The following COL4A1 variants were observed in gnomAD, a reference collection of about 807,000 sequenced individuals.
COL4A1 encodes collagen alpha-1(IV) chain.
COL4A1 carries 40 observed loss-of-function variants against 216.6 expected under a neutral mutation model. The ratio of observed to expected loss-of-function variants is 0.18; its 90% CI spans 0.14 to 0.24. The LOEUF is 0.24. COL4A1 is among the 10% of genes least tolerant of loss of function. The pLI, the probability that COL4A1 is intolerant of heterozygous loss-of-function variation, is 1.00. For missense variants in COL4A1, 1,628 were observed against 2,196.8 expected (o/e 0.74, Z 5.18); for synonymous variants, 839 against 810.7 (o/e 1.03, Z -0.59).
chr13:110,219,914 G>A (rs1203583729), intron 2 of COL4A1, among the ~76,000 whole-genome samples: 1 of 128,494 alleles, frequency 7.8e-6, no homozygotes, highest in Non-Finnish European at 1.6e-5. Context: ...ATATATATGT[G>A]TGTATATATA....
At chr13:110,255,294 G>A (rs1882458325) in intron 1 of COL4A1, among the ~76,000 whole-genome samples, 1 of 151,942 alleles carries the variant, frequency 6.6e-6, no homozygotes. Flanking sequence ...GGATTTTGGT[G>A]GCATTCATCT....
At chr13:110,171,396 T>C (rs1877637176) in intron 41 of COL4A1, among the ~76,000 whole-genome samples, 1 of 152,092 alleles carries the variant, frequency 6.6e-6, no homozygotes, top group South Asian at 2.1e-4. Flanking sequence ...GTGGGGATGT[T>C]TTCATGGTGT....
intron 2 of COL4A1, among the ~76,000 whole-genome samples, chr13:110,228,610 G>A (rs1412692221): frequency 2.0e-5 from 3 of 152,228 alleles, no homozygotes; most frequent in Admixed American, 6.5e-5. Flanking sequence ...AGGCAAATGA[G>A]TGAGACAGGA....
intron 2 of COL4A1, among the ~76,000 whole-genome samples, chr13:110,237,207 G>A (rs190806959): frequency 6.6e-6 from 1 of 152,314 alleles, no homozygotes; most frequent in Non-Finnish European, 1.5e-5. Flanking sequence ...TCAAGACTTC[G>A]GATATTCTGA....
intron 22 of COL4A1, among the ~76,000 whole-genome samples, chr13:110,194,190 CAT>C (rs1878772923): frequency 6.6e-6 from 1 of 152,192 alleles, no homozygotes; most frequent in Non-Finnish European, 1.5e-5. Context: ...AGATCGCTTC[CAT>C]TTCAGGTCCT....
Position 110,212,630 on chromosome 13 carries a change from G to A in COL4A1, c.280-12C>T, listed in dbSNP as rs200121908. On this transcript the variant is annotated splice_polypyrimidine_tract_variant and intron_variant, in intron 4 of 51. Transcript: ENST00000375820. ...GCTCCCGGAGGTCCCTGTGAGGGCG[G>A]AAGTAAAAGCGTGTCAGTGAAGAGC... 1.5e-4 allele frequency: 243 copies of A among 1,613,568 alleles called. No individual in the cohort carries two copies. The highest frequency in any genetic ancestry group is 1.9e-4 in the Non-Finnish European group (229 of 1,180,040).
intron 1 of COL4A1, among the ~76,000 whole-genome samples, chr13:110,287,144 C>A (rs1008715084): frequency 1.3e-5 from 2 of 152,168 alleles, no homozygotes; most frequent in African/African-American, 4.8e-5. Flanking sequence ...GCTGCAAGGC[C>A]AAGCCACAGG....
chr13:110,297,782 AT>A (rs1350128199), intron 1 of COL4A1, among the ~76,000 whole-genome samples: 1 of 152,174 alleles, frequency 6.6e-6, no homozygotes, highest in Non-Finnish European at 1.5e-5. Flanking sequence ...CCACCTGCAT[AT>A]TTCCTAATTC....
In COL4A1 at chr13:110,193,698, G is replaced by T. The variant is rs190128213; in HGVS notation, c.1382-785C>A. On this transcript the variant is annotated intron_variant, in intron 22 of 51. Coordinates refer to ENST00000375820, the MANE Select transcript of COL4A1 (RefSeq NM_001845.6). The stretch of plus-strand genomic sequence containing the variant: ...CACGGGCACTGCTATTGCCCACTCT[G>T]CCCTGGGATGCCCCTCAGTCAGAAG... Among the ~76,000 whole-genome samples the T allele has an allele frequency of 5.6e-3, 853 of 152,360 alleles. 8 individuals are homozygous for T. The highest frequency in any genetic ancestry group is 0.019 in the African/African-American group (787 of 41,586).
At chr13:110,208,759 A>G (rs1167327861) in intron 12 of COL4A1, 90 bp downstream of exon 12, 1 of 1,194,934 alleles carries the variant, frequency 8.4e-7, no homozygotes, top group African/African-American at 1.5e-5. Context: ...CTATACTTGT[A>G]AGAGTCCAGA....
chr13:110,277,378 G>C (rs578937), intron 1 of COL4A1, among the ~76,000 whole-genome samples: 135,470 of 152,234 alleles, frequency 0.89, 61,684 homozygotes, highest in Non-Finnish European at 1. Context: ...CCTGAAACCT[G>C]TGATAGGATG....
chr13:110,201,709 T>A lies in COL4A1; in HGVS notation c.1000-187A>T, dbSNP rs775327039. 4.4e-5 allele frequency: 33 copies of A among 745,294 alleles called. No homozygotes were observed. The Admixed American group carries it at 4.5e-4, about 10-fold the overall frequency. 46.2% of individuals were successfully genotyped at this position (745,294 alleles called of 1,614,324 possible). On this transcript the variant is annotated intron_variant, in intron 18 of 51. Coordinates refer to ENST00000375820, the MANE Select transcript of COL4A1 (RefSeq NM_001845.6). The stretch of plus-strand genomic sequence containing the variant: ...CTCTAAAACATATGGGACAGGCCGG[T>A]GCGGTGGCTCACGCCTGTAATCCCA...
At chr13:110,235,172 C>A (rs1881249876) in intron 2 of COL4A1, among the ~76,000 whole-genome samples, 1 of 152,092 alleles carries the variant, frequency 6.6e-6, no homozygotes, top group South Asian at 2.1e-4. Context: ...ATTAATAACT[C>A]ACCATTATTA....
chr13:110,262,640 G>C (rs1236707103), intron 1 of COL4A1, among the ~76,000 whole-genome samples: 1 of 152,116 alleles, frequency 6.6e-6, no homozygotes, highest in Admixed American at 6.5e-5. Flanking sequence ...GCATGGCCCA[G>C]GCTTTTAACC....
Position 110,242,762 on chromosome 13 carries a change from T to C in COL4A1, c.85-28A>G, listed in dbSNP as rs375311374. 478 of 1,612,990 alleles carry C rather than the reference T, an allele frequency of 3.0e-4. No homozygotes were observed. In the South Asian group the frequency reaches 3.8e-3, roughly 13 times the overall value. Reference sequence around the variant, plus strand: ...GGAAGGAAAAGAAAACTTCTTTAAATAGAAGAACACTTTCAAAGCGAGGGC... The same window carrying C: ...GGAAGGAAAAGAAAACTTCTTTAAACAGAAGAACACTTTCAAAGCGAGGGC... On this transcript the variant is annotated intron_variant, in intron 1 of 51. Transcript: ENST00000375820.
At chr13:110,230,911 C>T (rs1300269280) in intron 2 of COL4A1, among the ~76,000 whole-genome samples, 1 of 152,218 alleles carries the variant, frequency 6.6e-6, no homozygotes, top group Non-Finnish European at 1.5e-5. Context: ...CACCCGTTTA[C>T]CCAGGGCCTC....
chr13:110,181,896 C>G (rs1878174024), intron 28 of COL4A1, among the ~76,000 whole-genome samples: 1 of 152,230 alleles, frequency 6.6e-6, no homozygotes, highest in Admixed American at 6.5e-5. Context: ...GGCTATGAAG[C>G]TGGCCAGCCA....
chr13:110,250,543 A>G (rs1377948962), intron 1 of COL4A1, among the ~76,000 whole-genome samples: 1 of 152,062 alleles, frequency 6.6e-6, no homozygotes, highest in Non-Finnish European at 1.5e-5. Context: ...TGCTTGGGGA[A>G]TAGGATGGCC....
chr13:110,161,097 C>T (rs1877061986), intron 49 of COL4A1, 95 bp downstream of exon 49: 1 of 1,298,516 alleles, frequency 7.7e-7, no homozygotes, highest in Non-Finnish European at 1.1e-6. Flanking sequence ...GCAATGGATT[C>T]AACGTTTTGG....
Sources: gnomAD v4.1 joint callset for allele counts (sites outside exome capture counted in the v4.1 genomes callset) on GRCh38, gnomAD v4.1.1 for gene constraint, MANE v1.5 for transcripts, NCBI Gene and HGNC (gene_info 2026-07-23, HGNC 2026-07-21) for gene names.